The following PRKN variants were observed in gnomAD, a reference collection of about 807,000 sequenced individuals.
PRKN encodes the protein parkin RBR E3 ubiquitin protein ligase.
In PRKN, 56 loss-of-function variants were observed where a neutral mutation model predicts 59.5. That is an observed-to-expected ratio of 0.94 (90% CI 0.76 to 1.18). The LOEUF (loss-of-function observed/expected upper bound fraction) is 1.18, where lower values mean the gene tolerates loss of function less well. PRKN is among the 50% of genes most tolerant of loss of function. The pLI is 0.00. For missense variants in PRKN, 657 were observed against 596.4 expected, an observed-to-expected ratio of 1.10 and a Z score of -1.06; for synonymous variants, 250 against 222.1, an observed-to-expected ratio of 1.13 and a Z score of -1.12.
chr6:161,685,506 T>C (rs1271469990), intron 7 of PRKN, among the ~76,000 whole-genome samples: 1 of 152,238 alleles, frequency 6.6e-6, no homozygotes, highest in Non-Finnish European at 1.5e-5. Context: ...GTGATTATCA[T>C]GCTCAAATTT....
chr6:161,946,578 G>A (rs1170598621), intron 6 of PRKN, among the ~76,000 whole-genome samples: 1 of 151,974 alleles, frequency 6.6e-6, no homozygotes, highest in African/African-American at 2.4e-5. Context: ...CTGCTGAAGG[G>A]GTGTCCTCAC....
chr6:162,583,381 A>T (rs967328319), intron 1 of PRKN, among the ~76,000 whole-genome samples: 2 of 152,236 alleles, frequency 1.3e-5, no homozygotes, highest in African/African-American at 4.8e-5. Context: ...GGACAGAAAC[A>T]CTGCGAGAAA....
chr6:162,329,763 T>C (rs957190090), intron 2 of PRKN, among the ~76,000 whole-genome samples: 1 of 152,176 alleles, frequency 6.6e-6, no homozygotes, highest in African/African-American at 2.4e-5. Context: ...ACATTTTATA[T>C]ATGTTTTGGT....
rs559957155 is a variant in PRKN, at chr6:162,649,651, T to G, written c.7+78011A>C. 2.2e-3 allele frequency among the ~76,000 whole-genome samples: 340 copies of G among 152,106 alleles called. 2 individuals are homozygous for G. The highest frequency in any genetic ancestry group is 3.3e-3 in the Non-Finnish European group (226 of 67,986). ...TCCAGCCTGGGCAACAGTGCAATACTCTGTCTCAAAAAAAAAAAAGTATTA... is the reference window on the plus strand; with the variant it reads ...TCCAGCCTGGGCAACAGTGCAATACGCTGTCTCAAAAAAAAAAAAGTATTA... On this transcript the variant is annotated intron_variant, in intron 1 of 11. Coordinates refer to ENST00000366898, the MANE Select transcript of PRKN (RefSeq NM_004562.3).
intron 6 of PRKN, among the ~76,000 whole-genome samples, chr6:161,910,415 C>T (rs112924640): frequency 0.028 from 4,198 of 152,088 alleles, 197 homozygotes; most frequent in African/African-American, 0.094. Context: ...CTACCACACC[C>T]GGCTAATTTT....
chr6:161,955,779 G>C (rs1248710264), intron 6 of PRKN, among the ~76,000 whole-genome samples: 1 of 152,194 alleles, frequency 6.6e-6, no homozygotes, highest in Non-Finnish European at 1.5e-5. Context: ...GAACTGGAGA[G>C]GTGGAGGTTG....
At chr6:161,511,599 C>T (rs1214421070) in intron 9 of PRKN, among the ~76,000 whole-genome samples, 1 of 152,152 alleles carries the variant, frequency 6.6e-6, no homozygotes, top group African/African-American at 2.4e-5. Context: ...TGACTGGACA[C>T]GTTAGGAATT....
intron 4 of PRKN, among the ~76,000 whole-genome samples, chr6:162,081,442 T>C (rs1409412935): frequency 6.6e-6 from 1 of 152,122 alleles, no homozygotes; most frequent in Non-Finnish European, 1.5e-5. Context: ...CACTTCCCTA[T>C]ACATTTCCAC....
chr6:162,364,979 CTTT>C (rs574680485), intron 2 of PRKN, among the ~76,000 whole-genome samples: 7 of 126,784 alleles, frequency 5.5e-5, no homozygotes, highest in South Asian at 2.6e-4. Context: ...CTCTCTCTCT[CTTT>C]TTTTTTTTTT....
At chr6:161,411,969 A>T (rs1320867098) in intron 9 of PRKN, among the ~76,000 whole-genome samples, 2 of 132,878 alleles carry the variant, frequency 1.5e-5, no homozygotes, top group Non-Finnish European at 3.1e-5. Flanking sequence ...TTCCTTCCTC[A>T]CCCATTCCTT....
chr6:161,782,852 C>G (rs1790265606), intron 7 of PRKN, among the ~76,000 whole-genome samples: 1 of 152,006 alleles, frequency 6.6e-6, no homozygotes, highest in Non-Finnish European at 1.5e-5. Flanking sequence ...CGAGATCATG[C>G]CACTGCACTC....
chr6:162,083,362 T>G (rs1779134188), intron 4 of PRKN, among the ~76,000 whole-genome samples: 1 of 152,032 alleles, frequency 6.6e-6, no homozygotes. Context: ...GGAAAAATGG[T>G]GCTGCTGATA....
intron 9 of PRKN, among the ~76,000 whole-genome samples, chr6:161,408,272 A>C (rs1046667967): frequency 2.0e-5 from 3 of 151,766 alleles, no homozygotes; most frequent in Non-Finnish European, 2.9e-5. Flanking sequence ...GGCGTTAGAG[A>C]AATGCAAAGA....
chr6:161,506,134 G>C (rs919278042), intron 9 of PRKN, among the ~76,000 whole-genome samples: 3 of 151,426 alleles, frequency 2.0e-5, no homozygotes, highest in Non-Finnish European at 2.9e-5. Context: ...CCATTTTCAC[G>C]ATATTGATTC....
chr6:161,661,339 T>C (rs947494749), intron 7 of PRKN, among the ~76,000 whole-genome samples: 19 of 152,170 alleles, frequency 1.2e-4, no homozygotes, highest in Non-Finnish European at 2.5e-4. Flanking sequence ...TCCACTGCTG[T>C]CTACTCAACC....
intron 2 of PRKN, among the ~76,000 whole-genome samples, chr6:162,368,164 C>T (rs1313955497): frequency 6.6e-6 from 1 of 152,082 alleles, no homozygotes; most frequent in African/African-American, 2.4e-5. Flanking sequence ...GCACAAAGGG[C>T]GTGGCTGGGG....
intron 4 of PRKN, among the ~76,000 whole-genome samples, chr6:162,085,391 G>A (rs1192561321): frequency 6.6e-6 from 1 of 151,874 alleles, no homozygotes; most frequent in African/African-American, 2.4e-5. Flanking sequence ...TTTCAAATAA[G>A]CAATACATAT....
At chr6:161,590,246 C>T (rs1344450408) in intron 7 of PRKN, among the ~76,000 whole-genome samples, 1 of 152,166 alleles carries the variant, frequency 6.6e-6, no homozygotes, top group African/African-American at 2.4e-5. Context: ...ATGGGACAAG[C>T]TGACACTGTG....
At chr6:161,750,649 C>A (rs1167467796) in intron 7 of PRKN, among the ~76,000 whole-genome samples, 13 of 151,720 alleles carry the variant, frequency 8.6e-5, no homozygotes, top group Non-Finnish European at 4.4e-5. Flanking sequence ...TGCCTGTAAT[C>A]CCAGCTACTA....
Sources: allele counts gnomAD v4.1 joint callset (sites outside exome capture counted in the v4.1 genomes callset), GRCh38; gene constraint gnomAD v4.1.1; transcripts MANE v1.5; gene names NCBI Gene and HGNC (gene_info 2026-07-23, HGNC 2026-07-21).